Variants in ARFGEF3 observed in about 807,000 individuals in gnomAD.
ARFGEF3 encodes ARFGEF family member 3.
A neutral mutation model predicts 221.7 loss-of-function variants in ARFGEF3; 96 were observed. That is an observed-to-expected ratio of 0.43 (90% CI 0.37 to 0.51). The LOEUF (loss-of-function observed/expected upper bound fraction) is 0.51, where lower values mean the gene tolerates loss of function less well. Among genes scored for constraint, ARFGEF3 ranks in the 20% least tolerant of loss-of-function variants. The pLI, the probability that ARFGEF3 is intolerant of heterozygous loss-of-function variation, is 0.00. For missense variants in ARFGEF3, 2,410 were observed against 2,789.9 expected, an observed-to-expected ratio of 0.86 and a Z score of 3.07; for synonymous variants, 1,145 against 1,126.8, an observed-to-expected ratio of 1.02 and a Z score of -0.32.
At chr6:138,295,136 C>G (rs1391642508) in intron 20 of ARFGEF3, among the ~76,000 whole-genome samples, 2 of 152,030 alleles carry the variant, frequency 1.3e-5, no homozygotes, top group African/African-American at 2.4e-5. Context: ...TTACAAAGAA[C>G]ACAATGAGCA....
At chr6:138,321,702 C>T (rs1780030642) in intron 29 of ARFGEF3, among the ~76,000 whole-genome samples, 1 of 152,172 alleles carries the variant, frequency 6.6e-6, no homozygotes, top group South Asian at 2.1e-4. Context: ...ATAGAGGTAT[C>T]ATACAATCAG....
At position 138,249,457 on chromosome 6, in the gene ARFGEF3, G is replaced by A. The variant is rs572231494; in HGVS notation, c.665+3866G>A. Among the ~76,000 whole-genome samples, 5 of 152,256 alleles carry A rather than the reference G, an allele frequency of 3.3e-5. 1 individual carries two copies. The highest frequency in any genetic ancestry group is 1.2e-4 in the African/African-American group (5 of 41,548). ...CAATTCTCCTGCTTCAGCCTCCTGA[G>A]TAGCTGGGACTACAGGCATGCGCCA... On this transcript the variant is annotated intron_variant, in intron 8 of 33. Transcript: ENST00000251691.
chr6:138,317,421 A>G, intron 27 of ARFGEF3, 42 bp downstream of exon 27: 2 of 1,611,314 alleles, frequency 1.2e-6, no homozygotes. Flanking sequence ...GTGGTTATAC[A>G]TGTAACTCTT....
intron 12 of ARFGEF3, 32 bp from the exon 13 acceptor site, chr6:138,278,419 A>G (rs905569021): frequency 6.2e-7 from 1 of 1,607,446 alleles, no homozygotes; most frequent in South Asian, 1.1e-5. Context: ...CACTGTTCAC[A>G]CCCCCAAAAG....
At chr6:138,236,069 C>T (rs1395935055) in intron 5 of ARFGEF3, among the ~76,000 whole-genome samples, 2 of 152,144 alleles carry the variant, frequency 1.3e-5, no homozygotes, top group East Asian at 1.9e-4. Context: ...TACAGCACTG[C>T]GTTATATAAA....
intron 2 of ARFGEF3, among the ~76,000 whole-genome samples, chr6:138,191,358 A>G (rs1462015213): frequency 6.6e-6 from 1 of 152,166 alleles, no homozygotes; most frequent in Non-Finnish European, 1.5e-5. Flanking sequence ...CCAAGTCAGA[A>G]TGCCTGGCAC....
Position 138,246,208 on chromosome 6 carries a change from A to G in ARFGEF3, c.665+617A>G, listed in dbSNP as rs375983062. On this transcript the variant is annotated intron_variant, in intron 8 of 33. Coordinates refer to ENST00000251691, the MANE Select transcript of ARFGEF3 (RefSeq NM_020340.5). ...CAACCTATGCACCTGTAGTAAAGCC[A>G]AATCATAAAACACCAGACTTTCAAC... is the stretch of plus-strand genomic sequence containing the variant. 5.3e-5 allele frequency among the ~76,000 whole-genome samples: 8 copies of G among 152,346 alleles called. No homozygotes were observed. The South Asian group carries it at 8.3e-4, about 16-fold the overall frequency.
At chr6:138,216,404 T>C (rs994201859) in intron 4 of ARFGEF3, 1 of 152,240 alleles carries the variant, frequency 6.6e-6, no homozygotes, top group African/African-American at 2.4e-5. Flanking sequence ...AGAGTTCTGG[T>C]ATTACAAAGT....
At chr6:138,168,518 G>C (rs1471748215) in intron 1 of ARFGEF3, among the ~76,000 whole-genome samples, 1 of 152,172 alleles carries the variant, frequency 6.6e-6, no homozygotes, top group Non-Finnish European at 1.5e-5. Flanking sequence ...CTCTCATCTG[G>C]GTCTTGACAG....
At chr6:138,193,416 A>G (rs1213776450) in intron 2 of ARFGEF3, among the ~76,000 whole-genome samples, 3 of 152,130 alleles carry the variant, frequency 2.0e-5, no homozygotes, top group African/African-American at 7.2e-5. Context: ...CCATATTATC[A>G]CATGTCTGTT....
intron 12 of ARFGEF3, among the ~76,000 whole-genome samples, chr6:138,267,546 T>G (rs987434519): frequency 5.3e-5 from 8 of 152,236 alleles, no homozygotes; most frequent in Admixed American, 1.3e-4. Context: ...TCCAGATGAA[T>G]GAATTGTCAC....
rs543263879 is a variant in ARFGEF3, at chr6:138,250,870, T to G, written c.666-3010T>G. Among the ~76,000 whole-genome samples the G allele has an allele frequency of 4.6e-5, 7 of 152,314 alleles. No homozygotes were observed. The East Asian group carries it at 5.8e-4, about 13-fold the overall frequency. On this transcript the variant is annotated intron_variant, in intron 8 of 33. Coordinates refer to ENST00000251691, the MANE Select transcript of ARFGEF3 (RefSeq NM_020340.5). ...AGTAGACAGATTTTTCCCTCATGTG[T>G]TTTGAAAGAGTTGGCTGGTTTCTAG...
intron 6 of ARFGEF3, among the ~76,000 whole-genome samples, 159 bp from the exon 7 acceptor site, chr6:138,242,793 C>T (rs1270267408): frequency 4.6e-5 from 7 of 152,106 alleles, no homozygotes; most frequent in Non-Finnish European, 7.3e-5. Context: ...AATAATGAAA[C>T]GCTCTCAAGA....
In ARFGEF3 at chr6:138,262,814, A is replaced by G; in HGVS notation, c.1331A>G (p.Lys444Arg). Residue 444 changes from lysine (K) to arginine (R), a missense_variant, in exon 12 of 34, where the codon AAG becomes AGG. Physicochemically the swap from Lys to Arg is conservative, Grantham distance 26 (BLOSUM62 2). Transcript: ENST00000251691. Reference protein sequence around the residue: ...LGALDELSQGKGLSEGQVQLL... With the variant: ...LGALDELSQGRGLSEGQVQLL... ...GCCCTGGATGAGCTCAGCCAGGGGA[A>G]GGGCTTGAGCGAAGGTCAGGTGCAA... The G allele has an allele frequency of 6.2e-7, 1 of 1,614,042 alleles. No individual in the cohort carries two copies. Among genetic ancestry groups the G allele is most frequent in the Non-Finnish European group, 8.5e-7 (1 of 1,179,884 alleles).
In ARFGEF3 at chr6:138,261,657, T is replaced by C; in HGVS notation, c.1217+18T>C. 1 of 1,437,712 alleles carries C rather than the reference T, an allele frequency of 7.0e-7. No individual in the cohort carries two copies. The highest frequency in any genetic ancestry group is 9.4e-7 in the Non-Finnish European group (1 of 1,064,650). 89.1% of individuals were successfully genotyped at this position (1,437,712 alleles called of 1,614,324 possible). On this transcript the variant is annotated intron_variant, in intron 11 of 33. Coordinates refer to ENST00000251691, the MANE Select transcript of ARFGEF3 (RefSeq NM_020340.5). ...CTCAAACTGTATGATGTTTATCCTTTTAAGTCTTTATTGAGGCTGCTTTTC... is the reference window on the plus strand; with the variant it reads ...CTCAAACTGTATGATGTTTATCCTTCTAAGTCTTTATTGAGGCTGCTTTTC...
intron 13 of ARFGEF3, among the ~76,000 whole-genome samples, chr6:138,279,224 C>A (rs1199016576): frequency 6.6e-6 from 1 of 152,110 alleles, no homozygotes; most frequent in Non-Finnish European, 1.5e-5. Context: ...CGCTATGTTG[C>A]CCATGCCAGC....
At chr6:138,323,585 TG>T in intron 29 of ARFGEF3, 85 bp from the exon 30 acceptor site, 2 of 1,246,008 alleles carry the variant, frequency 1.6e-6, no homozygotes, top group Non-Finnish European at 2.3e-6. Flanking sequence ...CACTCCAGGC[TG>T]GGCAACAAGA....
At chr6:138,247,120 C>T (rs1778498182) in intron 8 of ARFGEF3, among the ~76,000 whole-genome samples, 1 of 152,168 alleles carries the variant, frequency 6.6e-6, no homozygotes, top group Non-Finnish European at 1.5e-5. Context: ...CCCTGGCAGG[C>T]TAGGCAGACA....
chr6:138,236,700 C>T (rs535676750), intron 5 of ARFGEF3, among the ~76,000 whole-genome samples: 1 of 152,286 alleles, frequency 6.6e-6, no homozygotes, highest in Admixed American at 6.5e-5. Context: ...AACTCTTGGG[C>T]TCAAGCGATC....
Sources: gnomAD v4.1 joint callset for allele counts (sites outside exome capture counted in the v4.1 genomes callset) on GRCh38, gnomAD v4.1.1 for gene constraint, MANE v1.5 for transcripts, NCBI Gene and HGNC (gene_info 2026-07-23, HGNC 2026-07-21) for gene names.